Variants in PLD5 observed in about 807,000 individuals in gnomAD.
PLD5 encodes inactive phospholipase D5.
PLD5 carries 36 observed loss-of-function variants against 61.1 expected under a neutral mutation model. That is an observed-to-expected ratio of 0.59 (90% confidence interval 0.45 to 0.78). The LOEUF (loss-of-function observed/expected upper bound fraction) is 0.78, where lower values mean the gene tolerates loss of function less well. PLD5 is among the 30% of genes least tolerant of loss of function. PLD5 has a pLI of 0.00. For missense variants in PLD5, 515 were observed against 644.4 expected, an observed-to-expected ratio of 0.80 and a Z score of 2.17; for synonymous variants, 243 against 242.8, an observed-to-expected ratio of 1.00 and a Z score of -0.01.
At chr1:242,287,036 G>T (rs1284046141) in intron 3 of PLD5, among the ~76,000 whole-genome samples, 1 of 152,038 alleles carries the variant, frequency 6.6e-6, no homozygotes, top group Non-Finnish European at 1.5e-5. Context: ...GACTTGAGAC[G>T]TGCTTCTACC....
At chr1:242,525,418 G>C (rs1005459700), upstream of PLD5, among the ~76,000 whole-genome samples, 4 of 152,224 alleles carry the variant, frequency 2.6e-5, no homozygotes, top group African/African-American at 9.6e-5. Context: ...CAACTGCTGT[G>C]CATTTGTTTC....
At chr1:242,172,291 G>A (rs559583201) in intron 5 of PLD5, among the ~76,000 whole-genome samples, 11 of 152,280 alleles carry the variant, frequency 7.2e-5, no homozygotes, top group African/African-American at 1.4e-4. Flanking sequence ...GGTAAATAAC[G>A]AAATGAAGGC....
At position 242,207,892 on chromosome 1, in the gene PLD5, A is replaced by T. The variant is rs1411469794; in HGVS notation, c.735+12096T>A. Among the ~76,000 whole-genome samples, 116 of 45,090 alleles carry T rather than the reference A, an allele frequency of 2.6e-3. 4 individuals are homozygous for T. Among genetic ancestry groups the T allele is most frequent in the African/African-American group, 2.9e-3 (22 of 7,710 alleles). The allele number at this position is 45,090 out of a possible 152,430, so 29.6% of individuals were successfully genotyped here. A position where few individuals can be genotyped will look rare whatever the true frequency, so the allele number is the denominator to read the frequency against. ...TTTATATATATTTATATATTTATATATATTTATATATTTATATATATTTAT... is the reference window on the plus strand; with the variant it reads ...TTTATATATATTTATATATTTATATTTATTTATATATTTATATATATTTAT... On this transcript the variant is annotated intron_variant, in intron 5 of 9. Coordinates refer to ENST00000536534, the MANE Select transcript of PLD5 (RefSeq NM_001372062.1).
rs1446415048 is a variant in PLD5 at position 242,240,546 on chromosome 1, G to A, written c.608-20431C>T. On this transcript the variant is annotated intron_variant, in intron 4 of 9. Coordinates refer to ENST00000536534, the MANE Select transcript of PLD5 (RefSeq NM_001372062.1). ...CTAGGTTTGGTGAGGTGGGCCTGAG[G>A]GAGTTTTTTTCCCTTTGAAGATACA... Among the ~76,000 whole-genome samples, 55 of 152,064 alleles carry A rather than the reference G, an allele frequency of 3.6e-4. 1 individual carries two copies. The highest frequency in any genetic ancestry group is 5.9e-5 in the Non-Finnish European group (4 of 68,014).
chr1:242,180,669 T>C (rs1667460918), intron 5 of PLD5, among the ~76,000 whole-genome samples: 1 of 152,166 alleles, frequency 6.6e-6, no homozygotes, highest in Non-Finnish European at 1.5e-5. Flanking sequence ...TTAATAGGTC[T>C]GTGTTGGAAC....
chr1:242,213,744 G>A (rs1574530657), intron 5 of PLD5, among the ~76,000 whole-genome samples: 2 of 150,352 alleles, frequency 1.3e-5, no homozygotes, highest in South Asian at 2.1e-4. Flanking sequence ...CCTCTCAGAG[G>A]CAACTAGATT....
chr1:242,492,359 A>C (rs1036484869), intron 1 of PLD5, among the ~76,000 whole-genome samples: 4 of 151,860 alleles, frequency 2.6e-5, no homozygotes, highest in Admixed American at 6.6e-5. Context: ...TAAAAAAAAA[A>C]CAAATACTAA....
intron 2 of PLD5, among the ~76,000 whole-genome samples, chr1:242,318,204 G>A (rs769261510): frequency 1.3e-5 from 2 of 152,196 alleles, no homozygotes; most frequent in Non-Finnish European, 2.9e-5. Context: ...AGAAAGGGCG[G>A]TGCTCAGACA....
intron 1 of PLD5, among the ~76,000 whole-genome samples, chr1:242,372,034 G>A (rs903466787): frequency 2.0e-5 from 3 of 151,760 alleles, no homozygotes; most frequent in Non-Finnish European, 2.9e-5. Flanking sequence ...CCACACCCCC[G>A]CCCTGACAGG....
At chr1:242,352,057 G>T (rs1157074862) in intron 1 of PLD5, among the ~76,000 whole-genome samples, 1 of 152,116 alleles carries the variant, frequency 6.6e-6, no homozygotes, top group Non-Finnish European at 1.5e-5. Context: ...ACATTTTCAT[G>T]ATGAGAACAT....
chr1:242,505,028 G>T (rs899098257), intron 1 of PLD5, among the ~76,000 whole-genome samples: 3 of 152,098 alleles, frequency 2.0e-5, no homozygotes, highest in African/African-American at 7.2e-5. Flanking sequence ...ATCATGGCAT[G>T]TGCCTGTAGT....
At chr1:242,289,563 G>C (rs943630937) in intron 2 of PLD5, among the ~76,000 whole-genome samples, 2 of 152,150 alleles carry the variant, frequency 1.3e-5, no homozygotes, top group Non-Finnish European at 2.9e-5. Context: ...ATGTTGGACA[G>C]GCTGGTCTCG....
chr1:242,138,930 C>T (rs918962767), intron 5 of PLD5, among the ~76,000 whole-genome samples: 2 of 152,188 alleles, frequency 1.3e-5, no homozygotes, highest in Non-Finnish European at 2.9e-5. Context: ...AAAGTTTGGT[C>T]TCCCTATCTC....
intron 3 of PLD5, among the ~76,000 whole-genome samples, chr1:242,270,376 C>T (rs527337939): frequency 4.6e-5 from 7 of 152,122 alleles, no homozygotes; most frequent in South Asian, 2.1e-4. Flanking sequence ...ATCTTACAAA[C>T]GAGGACACAG....
At chr1:242,283,880 A>C (rs1228886344) in intron 3 of PLD5, among the ~76,000 whole-genome samples, 1 of 152,100 alleles carries the variant, frequency 6.6e-6, no homozygotes, top group Non-Finnish European at 1.5e-5. Flanking sequence ...AATTTAAATC[A>C]AAGTAGCTTT....
At chr1:242,292,748 G>A (rs1280848875) in intron 2 of PLD5, among the ~76,000 whole-genome samples, 1 of 152,212 alleles carries the variant, frequency 6.6e-6, no homozygotes, top group African/African-American at 2.4e-5. Flanking sequence ...CCTGTGGTAT[G>A]GTTATAGACA....
chr1:242,197,151 T>C (rs544071890), intron 5 of PLD5, among the ~76,000 whole-genome samples: 4 of 152,284 alleles, frequency 2.6e-5, no homozygotes, highest in African/African-American at 7.2e-5. Flanking sequence ...TGAGCCAGCC[T>C]GGGGCAGCTC....
Position 242,217,648 on chromosome 1 carries a change from C to T in PLD5, c.735+2340G>A, listed in dbSNP as rs116488527. ...TCAAAAAAAGAACATTTGGGATTTACGGGAGAAGGTCAACATATCAACATT... is the reference window on the plus strand; with the variant it reads ...TCAAAAAAAGAACATTTGGGATTTATGGGAGAAGGTCAACATATCAACATT... On this transcript the variant is annotated intron_variant, in intron 5 of 9. Coordinates refer to ENST00000536534, the MANE Select transcript of PLD5 (RefSeq NM_001372062.1). 8.9e-3 allele frequency among the ~76,000 whole-genome samples: 1,351 copies of T among 152,172 alleles called. 20 individuals are homozygous for T. The highest frequency in any genetic ancestry group is 0.031 in the African/African-American group (1,295 of 41,518).
At chr1:242,433,421 G>A (rs1365900841) in intron 1 of PLD5, among the ~76,000 whole-genome samples, 1 of 152,150 alleles carries the variant, frequency 6.6e-6, no homozygotes, top group Non-Finnish European at 1.5e-5. Flanking sequence ...AAATAGACAT[G>A]TTTGTGCTGG....
Sources: allele counts gnomAD v4.1 joint callset (sites outside exome capture counted in the v4.1 genomes callset), GRCh38; gene constraint gnomAD v4.1.1; transcripts MANE v1.5; gene names NCBI Gene and HGNC (gene_info 2026-07-23, HGNC 2026-07-21).